Variants in RAPGEF4 observed in about 807,000 individuals in gnomAD.
RAPGEF4 encodes the protein Rap guanine nucleotide exchange factor 4, also known as RAP guanine-nucleotide-exchange factor (GEF) 4.
Under a neutral mutation model 147.9 loss-of-function variants are expected in RAPGEF4, and 66 were observed. The observed-to-expected ratio is 0.45, with a 90% confidence interval of 0.37 to 0.55. RAPGEF4 has a LOEUF of 0.55. Among genes scored for constraint, RAPGEF4 ranks in the 20% least tolerant of loss-of-function variants. The probability of loss-of-function intolerance (pLI) is 0.00; values close to 1 mark genes in which losing one functional copy is unlikely to be tolerated. For synonymous variants in RAPGEF4, 419 were observed against 442.7 expected, an observed-to-expected ratio of 0.95 and a Z score of 0.67; for missense variants, 1,071 against 1,257.3, an observed-to-expected ratio of 0.85 and a Z score of 2.24.
intron 14 of RAPGEF4, 37 bp from the exon 15 acceptor site, chr2:172,990,773 C>A: frequency 6.7e-7 from 1 of 1,485,318 alleles, no homozygotes; most frequent in Non-Finnish European, 9.3e-7. Flanking sequence ...TCTGAGTAAG[C>A]GGCAGCATCT....
At chr2:172,954,502 A>G (rs890692094) in intron 6 of RAPGEF4, among the ~76,000 whole-genome samples, 29 of 152,176 alleles carry the variant, frequency 1.9e-4, no homozygotes, top group African/African-American at 7.0e-4. Context: ...GAAGCCTTCA[A>G]ATGGAAGCCG....
At chr2:172,924,239 G>C (rs546964044) in intron 6 of RAPGEF4, among the ~76,000 whole-genome samples, 1 of 152,202 alleles carries the variant, frequency 6.6e-6, no homozygotes, top group Non-Finnish European at 1.5e-5. Flanking sequence ...GGAAGTGGTC[G>C]CTCTTGGGCA....
intron 1 of RAPGEF4, among the ~76,000 whole-genome samples, chr2:172,772,502 C>G (rs1366960069): frequency 6.6e-6 from 1 of 151,882 alleles, no homozygotes; most frequent in South Asian, 2.1e-4. Flanking sequence ...TGCCACCAGG[C>G]CTGGCTAATT....
At chr2:173,031,357 C>G (rs555837575) in intron 26 of RAPGEF4, among the ~76,000 whole-genome samples, 13 of 152,298 alleles carry the variant, frequency 8.5e-5, no homozygotes, top group African/African-American at 3.1e-4. Context: ...GGACGGAGCT[C>G]GTGCTGCCAA....
In RAPGEF4 at chr2:173,007,524, G is replaced by T. The variant is rs74620629; in HGVS notation, c.1658+6180G>T. Among the ~76,000 whole-genome samples, 743 of 152,274 alleles carry T rather than the reference G, an allele frequency of 4.9e-3. 5 individuals are homozygous for T. Among genetic ancestry groups the T allele is most frequent in the African/African-American group, 0.017 (705 of 41,552 alleles). On this transcript the variant is annotated intron_variant, in intron 17 of 30. Coordinates refer to ENST00000397081, the MANE Select transcript of RAPGEF4 (RefSeq NM_007023.4). ...TTAAATGACTTCCAGAGAAGAATCA[G>T]TAATAACATTGGTGGCTAAGATTTA... is the stretch of plus-strand genomic sequence containing the variant.
chr2:172,737,056 A>G (rs1693848986), intron 1 of RAPGEF4, among the ~76,000 whole-genome samples: 1 of 152,252 alleles, frequency 6.6e-6, no homozygotes, highest in South Asian at 2.1e-4. Flanking sequence ...CTTAAGTGTG[A>G]CGTGCTTTGC....
At chr2:172,790,694 C>A (rs1685724726) in intron 1 of RAPGEF4, among the ~76,000 whole-genome samples, 1 of 152,200 alleles carries the variant, frequency 6.6e-6, no homozygotes, top group African/African-American at 2.4e-5. Flanking sequence ...GATTATTGGA[C>A]AGAACCCTCC....
intron 4 of RAPGEF4, among the ~76,000 whole-genome samples, chr2:172,904,815 A>G (rs1699453575): frequency 6.6e-6 from 1 of 151,420 alleles, no homozygotes; most frequent in African/African-American, 2.4e-5. Flanking sequence ...TCAGCACCTA[A>G]TACCTTCCTT....
At chr2:172,830,024 CAT>C (rs543730990) in intron 4 of RAPGEF4, among the ~76,000 whole-genome samples, 1 of 151,878 alleles carries the variant, frequency 6.6e-6, no homozygotes, top group Non-Finnish European at 1.5e-5. Flanking sequence ...TTATGATTAA[CAT>C]ATTATCAGCT....
At chr2:172,777,189 G>A (rs1559035990) in intron 1 of RAPGEF4, among the ~76,000 whole-genome samples, 1 of 152,180 alleles carries the variant, frequency 6.6e-6, no homozygotes, top group Non-Finnish European at 1.5e-5. Flanking sequence ...AGACTCAGCT[G>A]AATGTCCAGG....
chr2:172,877,373 G>A (rs998722027), intron 4 of RAPGEF4, among the ~76,000 whole-genome samples: 5 of 152,180 alleles, frequency 3.3e-5, no homozygotes, highest in Admixed American at 6.5e-5. Context: ...GTCAGAGGGT[G>A]GGGGACCAGG....
intron 4 of RAPGEF4, among the ~76,000 whole-genome samples, chr2:172,888,170 G>A (rs1347566138): frequency 6.6e-6 from 1 of 152,164 alleles, no homozygotes; most frequent in Non-Finnish European, 1.5e-5. Context: ...GAGTGTGGGG[G>A]TAATGAGAAA....
chr2:173,051,837 TACTG>T lies in RAPGEF4; in HGVS notation c.*75_*78del. 6.4e-7 allele frequency: 1 copy of T among 1,554,144 alleles called. No individual in the cohort carries two copies. On this transcript the variant is annotated 3_prime_UTR_variant, in exon 31 of 31. Transcript: ENST00000397081. The stretch of plus-strand genomic sequence containing the variant: ...CTTTCAAAAATGCCATTTATGCTAC[TACTG>T]ACTGTATTGCCACTAGAGAATTCTA...
chr2:172,797,615 T>C lies in RAPGEF4; in HGVS notation c.297+2T>C. On this transcript the variant is annotated splice_donor_variant, in intron 3 of 30. Transcript: ENST00000397081. LOFTEE classifies it high-confidence loss of function. ...GTATCTGAGACCAGCAGTCACCAGG[T>C]AATATGGTCTATTTTTTTGAAAGTA... 1 of 1,606,952 alleles carries C rather than the reference T, an allele frequency of 6.2e-7. No homozygotes were observed. The highest frequency in any genetic ancestry group is 8.5e-7 in the Non-Finnish European group (1 of 1,174,266).
intron 29 of RAPGEF4, among the ~76,000 whole-genome samples, chr2:173,038,905 C>T (rs893242732): frequency 2.0e-5 from 3 of 152,088 alleles, no homozygotes; most frequent in African/African-American, 7.2e-5. Flanking sequence ...CATCCGTAAC[C>T]TGCAAGGAAA....
intron 1 of RAPGEF4, among the ~76,000 whole-genome samples, chr2:172,786,253 A>G (rs1173819190): frequency 1.3e-5 from 2 of 152,088 alleles, no homozygotes; most frequent in African/African-American, 4.8e-5. Flanking sequence ...ATATTCAACT[A>G]CCGTGTGTAG....
chr2:172,894,437 T>C (rs999041283), intron 4 of RAPGEF4: 23 of 152,246 alleles, frequency 1.5e-4, no homozygotes, highest in African/African-American at 5.3e-4. Flanking sequence ...ATTTCTAAAA[T>C]TGGGACTAAG....
At chr2:173,026,376 AATG>A (rs1319081152) in intron 23 of RAPGEF4, among the ~76,000 whole-genome samples, 193 bp from the exon 24 acceptor site, 1 of 152,148 alleles carries the variant, frequency 6.6e-6, no homozygotes, top group Non-Finnish European at 1.5e-5. Flanking sequence ...AATTGATGGT[AATG>A]ATGATTGGTG....
chr2:172,782,676 C>A (rs1684795494), intron 1 of RAPGEF4, among the ~76,000 whole-genome samples: 2 of 152,168 alleles, frequency 1.3e-5, no homozygotes, highest in Admixed American at 6.5e-5. Context: ...TCAGTTGAAA[C>A]CCATCCGGAA....
Sources: allele counts gnomAD v4.1 joint callset (sites outside exome capture counted in the v4.1 genomes callset), GRCh38; gene constraint gnomAD v4.1.1; transcripts MANE v1.5; gene names NCBI Gene and HGNC (gene_info 2026-07-23, HGNC 2026-07-21).